LTBP3: variants seen among roughly 807,000 people sequenced by gnomAD.
LTBP3 encodes the protein latent-transforming growth factor beta-binding protein 3.
Under a neutral mutation model 159.7 loss-of-function variants are expected in LTBP3, and 97 were observed. That is an observed-to-expected ratio of 0.61 (90% CI 0.52 to 0.72). The LOEUF is 0.72. Among genes scored for constraint, LTBP3 ranks in the 30% least tolerant of loss-of-function variants. The probability of loss-of-function intolerance (pLI) is 0.00; values close to 1 mark genes in which losing one functional copy is unlikely to be tolerated. For missense variants in LTBP3, 1,584 were observed against 1,864.3 expected, an observed-to-expected ratio of 0.85 and a Z score of 2.77; for synonymous variants, 824 against 777.1, an observed-to-expected ratio of 1.06 and a Z score of -1.00.
intron 11 of LTBP3, among the ~76,000 whole-genome samples, chr11:65,550,384 C>A (rs111691324): frequency 0.041 from 6,138 of 151,278 alleles, 443 homozygotes; most frequent in African/African-American, 0.14. Flanking sequence ...TGCACTCCAG[C>A]CTGGGCGACA....
At position 65,540,617 on chromosome 11, in the gene LTBP3, G is replaced by A; in HGVS notation, c.2978-3C>T. On this transcript the variant is annotated splice_polypyrimidine_tract_variant and splice_region_variant and intron_variant, in intron 21 of 27. Coordinates refer to ENST00000301873, the MANE Select transcript of LTBP3 (RefSeq NM_001130144.3). Reference sequence around the variant, plus strand: ...GAACAACATGCACTCGTCGATGTCTGCGGGGTGACAAACACTGGCCGCTCC... The same window carrying A: ...GAACAACATGCACTCGTCGATGTCTACGGGGTGACAAACACTGGCCGCTCC... The A allele has an allele frequency of 1.2e-6, 2 of 1,609,582 alleles. No homozygotes were observed. Among genetic ancestry groups the A allele is most frequent in the Non-Finnish European group, 1.7e-6 (2 of 1,178,032 alleles).
In LTBP3 at chr11:65,539,398, C is replaced by T. The variant is rs1208838197; in HGVS notation, c.3690G>A (p.Pro1230=). Residue 1230 remains proline, a synonymous_variant, in exon 27 of 28, where the codon CCG becomes CCA. Transcript: ENST00000301873. ...ACTCGCACACGGCGCCGCCCGGCCG[C>T]GGCACGCAGCGGCCACTCACGCAGC... ...ECRCVSGRCV[P]RPGGAVCECP... is the part of the protein sequence containing the mutation. 2.6e-6 allele frequency: 4 copies of T among 1,547,638 alleles called. No individual in the cohort carries two copies. In the African/African-American group the frequency reaches 5.5e-5, roughly 21 times the overall value.
chr11:65,538,859 C>T lies in LTBP3; in HGVS notation c.*221G>A, dbSNP rs1855889607. 4 of 888,260 alleles carry T rather than the reference C, an allele frequency of 4.5e-6. No individual in the cohort carries two copies. The highest frequency in any genetic ancestry group is 3.1e-6 in the Non-Finnish European group (2 of 636,936). The allele number at this position is 888,260 out of a possible 1,614,324, so 55.0% of individuals were successfully genotyped here. ...GATTTATCAGTTTCTAGGAAACACC[C>T]TCTGGGAGGAAGGCAGGCAGCGCCC... is the stretch of plus-strand genomic sequence containing the variant. On this transcript the variant is annotated 3_prime_UTR_variant, in exon 28 of 28. Transcript: ENST00000301873.
At position 65,546,907 on chromosome 11, in the gene LTBP3, G is replaced by A. The variant is rs375416117; in HGVS notation, c.2121C>T (p.Cys707=). Reference sequence around the variant, plus strand: ...CATCCGGGCAAGAGCTTGGGTCCCGGCACTCGTCGATGTCTGCACGGGAGG... The same window carrying A: ...CATCCGGGCAAGAGCTTGGGTCCCGACACTCGTCGATGTCTGCACGGGAGG... ...RPPVCEDIDE[C]RDPSSCPDGK... Residue 707 remains cysteine (C), a synonymous_variant, in exon 15 of 28, where the codon TGC becomes TGT. Coordinates refer to ENST00000301873, the MANE Select transcript of LTBP3 (RefSeq NM_001130144.3). This position sits in a 1 kb window ranked among gnomAD's most constrained non-coding sequence, Gnocchi z 4.0. 12 of 1,612,168 alleles carry A rather than the reference G, an allele frequency of 7.4e-6. No homozygotes were observed. Among genetic ancestry groups the A allele is most frequent in the Non-Finnish European group, 1.0e-5 (12 of 1,179,976 alleles).
In LTBP3 at chr11:65,540,120, C is replaced by A. The variant is rs972376478; in HGVS notation, c.3278G>T (p.Arg1093Leu). 2 of 1,526,664 alleles carry A rather than the reference C, an allele frequency of 1.3e-6. No homozygotes were observed. The highest frequency in any genetic ancestry group is 1.4e-5 in the African/African-American group (1 of 72,724). 94.6% of individuals were successfully genotyped at this position (1,526,664 alleles called of 1,614,324 possible). Reference sequence around the variant, plus strand: ...CGGCAGGTTGACGCAGCGGCCAGGGCGGCAGGCTGCCGGGTCCTGGCACTC... The same window carrying A: ...CGGCAGGTTGACGCAGCGGCCAGGGAGGCAGGCTGCCGGGTCCTGGCACTC... Reference protein sequence around the residue: ...VDECQDPAACRPGRCVNLPGS... With the variant: ...VDECQDPAACLPGRCVNLPGS... The change falls in exon 24 of 28, where the codon CGC becomes CTC. Residue 1093 changes from arginine to leucine, a missense_variant. Arg to Leu is a moderately radical substitution (Grantham distance 102). Transcript: ENST00000301873.
rs1855899306 is a variant in LTBP3, at chr11:65,538,943, GT to G, written c.*136del. ...AGGGGGGCCGGTAGGGGCGCCTCGG[GT>G]CTCAAGGCGCCGGGAGGGTCTGCGG... On this transcript the variant is annotated 3_prime_UTR_variant, in exon 28 of 28. Coordinates refer to ENST00000301873, the MANE Select transcript of LTBP3 (RefSeq NM_001130144.3). The G allele has an allele frequency of 7.6e-7, 1 of 1,309,594 alleles. No individual in the cohort carries two copies. The highest frequency in any genetic ancestry group is 9.7e-7 in the Non-Finnish European group (1 of 1,029,482). The allele number at this position is 1,309,594 out of a possible 1,614,324, so 81.1% of individuals were successfully genotyped here.
chr11:65,557,490 G>A, intron 1 of LTBP3, 139 bp downstream of exon 1: 1 of 1,174,050 alleles, frequency 8.5e-7, no homozygotes, highest in Non-Finnish European at 1.2e-6. Flanking sequence ...GTTCCCTGAG[G>A]CCCCTGGTCC....
At chr11:65,557,552 G>A in intron 1 of LTBP3, 77 bp downstream of exon 1, 1 of 1,589,416 alleles carries the variant, frequency 6.3e-7, no homozygotes, top group South Asian at 1.1e-5. Flanking sequence ...AGTCTCTAAG[G>A]CCAAGACCCC....
Position 65,552,986 on chromosome 11 carries a change from T to C in LTBP3, c.1064-4A>G, listed in dbSNP as rs1389129112. Reference sequence around the variant, plus strand: ...GGCATTGCGCACTCGTTGATGTCTGTGGTAAGTGGAAGTTTGGCCCCTCTG... The same window carrying C: ...GGCATTGCGCACTCGTTGATGTCTGCGGTAAGTGGAAGTTTGGCCCCTCTG... On this transcript the variant is annotated splice_polypyrimidine_tract_variant and splice_region_variant and intron_variant, in intron 5 of 27. Coordinates refer to ENST00000301873, the MANE Select transcript of LTBP3 (RefSeq NM_001130144.3). This position sits in a 1 kb window ranked among gnomAD's most constrained non-coding sequence, Gnocchi z 6.0. 1.9e-6 allele frequency: 3 copies of C among 1,614,000 alleles called. No homozygotes were observed. In the African/African-American group the frequency reaches 4.0e-5, roughly 22 times the overall value.
Position 65,543,535 on chromosome 11 carries a change from C to T in LTBP3, c.2368G>A (p.Glu790Lys), listed in dbSNP as rs1856245823. 3 of 1,613,978 alleles carry T rather than the reference C, an allele frequency of 1.9e-6. No individual in the cohort carries two copies. In the African/African-American group the frequency reaches 4.0e-5, roughly 22 times the overall value. Residue 790 changes from glutamate to lysine, a missense_variant, in exon 17 of 28, where the codon GAG becomes AAG. Physicochemically the swap from Glu to Lys is moderately conservative, Grantham distance 56. Transcript: ENST00000301873. ...CCATTGTCACACACGTCCCCAGCCT[C>T]ACACTCGTCCACATCTGCAGGGCAT... is the stretch of plus-strand genomic sequence containing the variant. ...GRSCLDVDEC[E>K]AGDVCDNGIC...
In LTBP3 at chr11:65,539,471, G is replaced by A. The variant is rs1163480766; in HGVS notation, c.3629-12C>T. The A allele has an allele frequency of 8.2e-6, 13 of 1,575,994 alleles. No homozygotes were observed. Among genetic ancestry groups the A allele is most frequent in the African/African-American group, 4.1e-5 (3 of 73,818 alleles). ...TGAACTGTCCTCATCTGCGTGGCCC[G>A]GAACAATATGGACTTCAACACTGAG... On this transcript the variant is annotated splice_polypyrimidine_tract_variant and intron_variant, in intron 26 of 27. Transcript: ENST00000301873.
rs1323739914 is a variant in LTBP3 at position 65,547,949 on chromosome 11, C to T, written c.1817G>A (p.Arg606Gln). 1.2e-6 allele frequency: 2 copies of T among 1,613,884 alleles called. No homozygotes were observed. Among genetic ancestry groups the T allele is most frequent in the Non-Finnish European group, 1.7e-6 (2 of 1,180,000 alleles). Reference sequence around the variant, plus strand: ...GCAGTAGCGGTGCTGGGGATGTGACCGGTAGCCGGGGTTGCAGTGGCAGGA... The same window carrying T: ...GCAGTAGCGGTGCTGGGGATGTGACTGGTAGCCGGGGTTGCAGTGGCAGGA... ...DYSCHCNPGY[R>Q]SHPQHRYCVD... Residue 606 changes from arginine to glutamine, a missense_variant, in exon 12 of 28, where the codon CGG becomes CAG. Physicochemically the swap from Arg to Gln is conservative, Grantham distance 43 (BLOSUM62 1). Coordinates refer to ENST00000301873, the MANE Select transcript of LTBP3 (RefSeq NM_001130144.3). This position sits in a 1 kb window ranked among gnomAD's most constrained non-coding sequence, Gnocchi z 4.6.
intron 25 of LTBP3, 24 bp from the exon 26 acceptor site, chr11:65,539,652 C>T (rs1196355127): frequency 6.3e-7 from 1 of 1,596,566 alleles, no homozygotes; most frequent in Non-Finnish European, 8.5e-7. Context: ...AACTGGTCAG[C>T]GACGTCCGGG....
chr11:65,546,665 G>C lies in LTBP3; in HGVS notation c.2231-101C>G, dbSNP rs1388189612. 6.4e-7 allele frequency: 1 copy of C among 1,563,026 alleles called. No individual in the cohort carries two copies. Among genetic ancestry groups the C allele is most frequent in the Non-Finnish European group, 8.6e-7 (1 of 1,160,176 alleles). ...CTTCCCTGGAACGCGGGGTTGAGAG[G>C]GCAGCCTCTACTCCCGGAAGGCCCC... On this transcript the variant is annotated intron_variant, in intron 15 of 27. Transcript: ENST00000301873. This position sits in a 1 kb window ranked among gnomAD's most constrained non-coding sequence, Gnocchi z 4.0.
At position 65,553,833 on chromosome 11, in the gene LTBP3, G is replaced by T; in HGVS notation, c.732C>A (p.Arg244=). The change falls in exon 3 of 28, where the codon CGC becomes CGA. Residue 244 remains arginine (R), a synonymous_variant. Transcript: ENST00000301873. This position sits in a 1 kb window ranked among gnomAD's most constrained non-coding sequence, Gnocchi z 6.5. ...HPPEASVQVH[R]IESSNAESAA... The stretch of plus-strand genomic sequence containing the variant: ...CGCTCTCGGCGTTCGAGCTCTCAAT[G>T]CGGTGCACCTGGACTGAGGCCTCGG... 1 of 1,562,778 alleles carries T rather than the reference G, an allele frequency of 6.4e-7. No homozygotes were observed. Among genetic ancestry groups the T allele is most frequent in the East Asian group, 2.3e-5 (1 of 43,004 alleles).
Position 65,552,879 on chromosome 11 carries a change from G to A in LTBP3, c.1167C>T (p.Pro389=), listed in dbSNP as rs768008037. The change falls in exon 6 of 28, where the codon CCC becomes CCT. Residue 389 remains proline (P), a synonymous_variant. Coordinates refer to ENST00000301873, the MANE Select transcript of LTBP3 (RefSeq NM_001130144.3). This position sits in a 1 kb window ranked among gnomAD's most constrained non-coding sequence, Gnocchi z 6.0. Reference sequence around the variant, plus strand: ...TCTCACCAATGCACTGTGTACGGGAGGGGCCTAAACTATGGCCAGGTGGGC... The same window carrying A: ...TCTCACCAATGCACTGTGTACGGGAAGGGCCTAAACTATGGCCAGGTGGGC... ...CVCPPGHSLG[P]SRTQCIADKP... The A allele has an allele frequency of 5.6e-6, 9 of 1,614,228 alleles. No individual in the cohort carries two copies. In the Admixed American group the frequency reaches 1.5e-4, roughly 27 times the overall value.
chr11:65,539,886 G>A lies in LTBP3; in HGVS notation c.3386-5C>T, dbSNP rs889863271. On this transcript the variant is annotated splice_region_variant and splice_polypyrimidine_tract_variant and intron_variant, in intron 24 of 27. Transcript: ENST00000301873. ...CGCGCCGCTCCGGGGCACGCTCTGCGGAAGACACCTGGCATCAGGGGAGGG... is the reference window on the plus strand; with the variant it reads ...CGCGCCGCTCCGGGGCACGCTCTGCAGAAGACACCTGGCATCAGGGGAGGG... 9.9e-6 allele frequency: 15 copies of A among 1,510,116 alleles called. No homozygotes were observed. Among genetic ancestry groups the A allele is most frequent in the Admixed American group, 4.2e-5 (2 of 47,602 alleles). The allele number at this position is 1,510,116 out of a possible 1,614,324, so 93.5% of individuals were successfully genotyped here. A position where few individuals can be genotyped will look rare whatever the true frequency, so the allele number is the denominator to read the frequency against.
At position 65,558,297 on chromosome 11, in the gene LTBP3, C is replaced by G; in HGVS notation, c.-338G>C. 11 of 782,972 alleles carry G rather than the reference C, an allele frequency of 1.4e-5. No homozygotes were observed. Among genetic ancestry groups the G allele is most frequent in the Non-Finnish European group, 1.6e-5 (10 of 629,250 alleles). 48.5% of individuals were successfully genotyped at this position (782,972 alleles called of 1,614,324 possible). A position where few individuals can be genotyped will look rare whatever the true frequency, so the allele number is the denominator to read the frequency against. On this transcript the variant is annotated 5_prime_UTR_variant, in exon 1 of 28. Coordinates refer to ENST00000301873, the MANE Select transcript of LTBP3 (RefSeq NM_001130144.3). ...CGGCCCGCTCCGCGCCTCCCCCTGG[C>G]CGGGCTCCTCTCCCGCGGCCGCGGG... is the stretch of plus-strand genomic sequence containing the variant.
At position 65,556,279 on chromosome 11, in the gene LTBP3, G is replaced by A. The variant is rs183195129; in HGVS notation, c.331+1350C>T. Reference sequence around the variant, plus strand: ...GCAGTGGCTCACACCTGTAATCCCAGCACTTTGGGAGGCCGAGGCAGGTAG... The same window carrying A: ...GCAGTGGCTCACACCTGTAATCCCAACACTTTGGGAGGCCGAGGCAGGTAG... On this transcript the variant is annotated intron_variant, in intron 1 of 27. Transcript: ENST00000301873. Among the ~76,000 whole-genome samples, 631 of 152,302 alleles carry A rather than the reference G, an allele frequency of 4.1e-3. 2 individuals are homozygous for A. Among genetic ancestry groups the A allele is most frequent in the Non-Finnish European group, 6.4e-3 (435 of 68,026 alleles).
Sources: gnomAD v4.1 joint callset for allele counts (sites outside exome capture counted in the v4.1 genomes callset) on GRCh38, gnomAD v4.1.1 for gene constraint, Gnocchi (gnomAD v3.1) non-coding constraint, MANE v1.5 for transcripts, NCBI Gene and HGNC (gene_info 2026-07-23, HGNC 2026-07-21) for gene names.